The following CHIA variants were observed in gnomAD, a reference collection of about 807,000 sequenced individuals.
CHIA encodes acidic mammalian chitinase.
CHIA carries 47 observed loss-of-function variants against 53.5 expected under a neutral mutation model. That is an observed-to-expected ratio of 0.88 (90% CI 0.70 to 1.12). The LOEUF (loss-of-function observed/expected upper bound fraction) is 1.12. Among genes scored for constraint, CHIA ranks in the 50% most tolerant of loss-of-function variants. The probability of loss-of-function intolerance (pLI) is 0.00; values close to 1 mark genes in which losing one functional copy is unlikely to be tolerated. For missense variants in CHIA, 652 were observed against 592.2 expected, an observed-to-expected ratio of 1.10 and a Z score of -1.05; for synonymous variants, 268 against 222.2, an observed-to-expected ratio of 1.21 and a Z score of -1.83.
intron 1 of CHIA, among the ~76,000 whole-genome samples, chr1:111,299,363 G>A (rs1398904551): frequency 1.3e-5 from 2 of 152,008 alleles, no homozygotes; most frequent in African/African-American, 4.8e-5. Context: ...AACCAAATCT[G>A]GCAGCATATC....
chr1:111,312,149 T>C, intron 3 of CHIA, 41 bp from the exon 4 acceptor site: 1 of 1,540,346 alleles, frequency 6.5e-7, no homozygotes, highest in Non-Finnish European at 9.0e-7. Context: ...CTTCAGTGGA[T>C]CCTAAACCAG....
chr1:111,314,596 C>T lies in CHIA; in HGVS notation c.314C>T (p.Pro105Leu), dbSNP rs201556508. The change falls in exon 5 of 12, where the codon CCT becomes CTT. Residue 105 changes from proline (P) to leucine (L), a missense_variant and splice_region_variant. By Grantham distance (98) the Pro-to-Leu change is moderately conservative. Coordinates refer to ENST00000369740, the MANE Select transcript of CHIA (RefSeq NM_201653.4). The stretch of plus-strand genomic sequence containing the variant: ...GGAGGCTGGAACTTCGGGACTGCCC[C>T]GTAAGTCTTCTATGGAGAGCATGTT... The part of the protein sequence containing the change: ...AIGGWNFGTA[P>L]FTAMVSTPEN... 6.6e-5 allele frequency: 106 copies of T among 1,610,950 alleles called. No individual in the cohort carries two copies. In the Middle Eastern group the frequency reaches 8.2e-4, roughly 13 times the overall value.
chr1:111,295,319 T>C (rs1224394518), intron 1 of CHIA, among the ~76,000 whole-genome samples: 1 of 152,236 alleles, frequency 6.6e-6, no homozygotes, highest in African/African-American at 2.4e-5. Flanking sequence ...GTGCTGGGAT[T>C]ACAGGCATGA....
At chr1:111,301,011 C>A (rs920618565) in intron 1 of CHIA, among the ~76,000 whole-genome samples, 13 of 152,146 alleles carry the variant, frequency 8.5e-5, no homozygotes, top group African/African-American at 3.1e-4. Flanking sequence ...CAGAGAAATG[C>A]AAACCAAAAC....
chr1:111,300,592 T>G (rs35764762), intron 1 of CHIA, among the ~76,000 whole-genome samples: 42,319 of 152,028 alleles, frequency 0.28, 6,178 homozygotes, highest in East Asian at 0.36. Flanking sequence ...CAAGACAGAT[T>G]AAAGACGTAA....
At chr1:111,305,301 T>C (rs4400607) in intron 1 of CHIA, among the ~76,000 whole-genome samples, 149,814 of 152,264 alleles carry the variant, frequency 0.98, 73,747 homozygotes, top group East Asian at 1. Flanking sequence ...CCCTTTACAT[T>C]GCCCAAATGT....
intron 1 of CHIA, among the ~76,000 whole-genome samples, chr1:111,298,697 C>T (rs577967716): frequency 1.5e-4 from 23 of 152,186 alleles, no homozygotes; most frequent in Middle Eastern, 3.4e-3. Flanking sequence ...CAAGAGAAAA[C>T]GCATTCAAAA....
chr1:111,303,603 G>T (rs1647938549), intron 1 of CHIA, among the ~76,000 whole-genome samples: 1 of 152,060 alleles, frequency 6.6e-6, no homozygotes, highest in East Asian at 1.9e-4. Flanking sequence ...AGGTTTAACT[G>T]CAATAACTTA....
intron 6 of CHIA, chr1:111,316,564 T>C (rs1649175214): frequency 6.6e-6 from 1 of 152,226 alleles, no homozygotes; most frequent in African/African-American, 2.4e-5. Flanking sequence ...ATTTTAATGC[T>C]ATTAACTAAG....
intron 1 of CHIA, among the ~76,000 whole-genome samples, chr1:111,299,196 C>G (rs1156967991): frequency 6.6e-6 from 1 of 152,158 alleles, no homozygotes; most frequent in Non-Finnish European, 1.5e-5. Context: ...TGAAACCATT[C>G]CAATCAATAG....
intron 1 of CHIA, among the ~76,000 whole-genome samples, chr1:111,305,335 C>T (rs72693257): frequency 0.016 from 2,383 of 152,308 alleles, 29 homozygotes; most frequent in Middle Eastern, 0.027. Flanking sequence ...GGGGAAGTAG[C>T]TTGCAACAAT....
intron 8 of CHIA, 51 bp from the exon 9 acceptor site, chr1:111,318,442 T>C: frequency 2.0e-6 from 3 of 1,472,550 alleles, no homozygotes; most frequent in Non-Finnish European, 2.8e-6. Context: ...TATAACTAAG[T>C]ACTGGGTCCT....
chr1:111,297,369 C>T (rs770548777), intron 1 of CHIA, among the ~76,000 whole-genome samples: 15 of 152,174 alleles, frequency 9.9e-5, no homozygotes, highest in Admixed American at 2.0e-4. Flanking sequence ...GGACTAACAG[C>T]GGATCTCTCT....
At chr1:111,297,947 G>A (rs754319585) in intron 1 of CHIA, among the ~76,000 whole-genome samples, 20 of 135,366 alleles carry the variant, frequency 1.5e-4, no homozygotes, top group Non-Finnish European at 2.5e-4. Context: ...TGTAATCCTA[G>A]TCTCTGATGA....
intron 1 of CHIA, among the ~76,000 whole-genome samples, chr1:111,292,381 G>C (rs974271473): frequency 4.0e-4 from 61 of 152,168 alleles, no homozygotes; most frequent in African/African-American, 1.5e-3. Flanking sequence ...TAGAGACCAT[G>C]CTGATATTCT....
At chr1:111,307,356 A>G (rs1323605584) in intron 1 of CHIA, among the ~76,000 whole-genome samples, 1 of 152,234 alleles carries the variant, frequency 6.6e-6, no homozygotes, top group Non-Finnish European at 1.5e-5. Context: ...AGAAGAATGC[A>G]TATGGTATTA....
At chr1:111,304,263 A>G (rs1007114212) in intron 1 of CHIA, among the ~76,000 whole-genome samples, 3 of 152,172 alleles carry the variant, frequency 2.0e-5, no homozygotes, top group Non-Finnish European at 4.4e-5. Context: ...TTGGATGTCT[A>G]TATACATGTC....
chr1:111,315,640 G>C (rs1383188048), intron 6 of CHIA: 1 of 603,612 alleles, frequency 1.7e-6, no homozygotes, highest in Non-Finnish European at 3.0e-6. Context: ...GCCAGGCACT[G>C]CTCTACATGT....
intron 6 of CHIA, chr1:111,316,153 AT>A: frequency 4.2e-6 from 1 of 239,392 alleles, no homozygotes; most frequent in Non-Finnish European, 8.4e-6. Flanking sequence ...GAGGATGGGA[AT>A]GGCACAAATG....
Sources: gnomAD v4.1 joint callset for allele counts (sites outside exome capture counted in the v4.1 genomes callset) on GRCh38, gnomAD v4.1.1 for gene constraint, MANE v1.5 for transcripts, NCBI Gene and HGNC (gene_info 2026-07-23, HGNC 2026-07-21) for gene names.